The following CLTC variants were observed in gnomAD, a reference collection of about 807,000 sequenced individuals.
CLTC encodes clathrin heavy chain.
A neutral mutation model predicts 195.8 loss-of-function variants in CLTC; 16 were observed. The ratio of observed to expected loss-of-function variants is 0.08; its 90% CI spans 0.06 to 0.12. CLTC has a LOEUF of 0.12. CLTC is among the 10% of genes least tolerant of loss of function. The pLI is 1.00. For synonymous variants in CLTC, 667 were observed against 689.4 expected, an observed-to-expected ratio of 0.97 and a Z score of 0.51; for missense variants, 796 against 2,027.0, an observed-to-expected ratio of 0.39 and a Z score of 11.66.
intron 30 of CLTC, among the ~76,000 whole-genome samples, chr17:59,686,503 C>T (rs917553216): frequency 1.3e-5 from 2 of 152,140 alleles, no homozygotes; most frequent in South Asian, 2.1e-4. Flanking sequence ...CTGATTCCTT[C>T]AGCCTGCCTG....
In CLTC at chr17:59,695,331, T is replaced by G. The variant is rs759565694; in HGVS notation, c.*1479T>G. ...ACTCTCTTAGGCAAATTACCTAACA[T>G]AAGCTCCACAGAAGAGTTTTTTAAA... is the stretch of plus-strand genomic sequence containing the variant. On this transcript the variant is annotated 3_prime_UTR_variant, in exon 32 of 32. Transcript: ENST00000269122. 2 of 184,542 alleles carry G rather than the reference T, an allele frequency of 1.1e-5. No individual in the cohort carries two copies. The highest frequency in any genetic ancestry group is 2.3e-5 in the African/African-American group (1 of 42,578). 11.4% of individuals were successfully genotyped at this position (184,542 alleles called of 1,614,324 possible).
At position 59,648,384 on chromosome 17, in the gene CLTC, G is replaced by T. The variant is rs752425271; in HGVS notation, c.664G>T (p.Gly222Cys). ...ESTLFCFAVR[G>C]QAGGKLHIIE... ...AACGTTATTTTGTTTTGCAGTTCGG[G>T]GCCAAGCTGGAGGGAAGGTAAGTTT... The change falls in exon 4 of 32, where the codon GGC becomes TGC. Residue 222 changes from glycine (G) to cysteine (C), a missense_variant. Physicochemically the swap from Gly to Cys is radical, Grantham distance 159 (BLOSUM62 -3). Transcript: ENST00000269122. This position sits in a 1 kb window ranked among gnomAD's most constrained non-coding sequence, Gnocchi z 4.5. The T allele has an allele frequency of 6.2e-7, 1 of 1,613,338 alleles. No individual in the cohort carries two copies. Among genetic ancestry groups the T allele is most frequent in the Non-Finnish European group, 8.5e-7 (1 of 1,179,588 alleles).
intron 18 of CLTC, among the ~76,000 whole-genome samples, chr17:59,680,314 G>GTTTT (rs1206011218): frequency 6.6e-6 from 1 of 152,066 alleles, no homozygotes. Context: ...ATGAGATGGG[G>GTTTT]TTTTATACCT....
Position 59,674,846 on chromosome 17 carries a change from G to T in CLTC, c.2561+3G>T. On this transcript the variant is annotated splice_donor_region_variant and intron_variant, in intron 16 of 31. Transcript: ENST00000269122. ...GCTGAGGTTGAAAAAAGAAACAGGT[G>T]TAGTACCATTTTAACAGGGATAAGT... 1 of 1,611,462 alleles carries T rather than the reference G, an allele frequency of 6.2e-7. No homozygotes were observed. The highest frequency in any genetic ancestry group is 8.5e-7 in the Non-Finnish European group (1 of 1,178,978).
At position 59,681,744 on chromosome 17, in the gene CLTC, T is replaced by C; in HGVS notation, c.3347T>C (p.Leu1116Ser). The change falls in exon 21 of 32, where the codon TTG (leucine) becomes TCG (serine). Residue 1116 changes from leucine (L) to serine (S), a missense_variant. Around this residue, in one of 9 missense-constraint regions of CLTC, gnomAD observed 50 missense variants for 77.2 expected, o/e 0.65. Coordinates refer to ENST00000269122, the MANE Select transcript of CLTC (RefSeq NM_004859.4). This position sits in a 1 kb window ranked among gnomAD's most constrained non-coding sequence, Gnocchi z 5.0. Reference protein sequence around the residue: ...AVWSQLAKAQLQKGMVKEAID... With the variant: ...AVWSQLAKAQSQKGMVKEAID... ...TGGAGTCAACTTGCAAAAGCCCAGTTGCAGAAAGGAATGGTGAAAGAAGCC... is the reference window on the plus strand; with the variant it reads ...TGGAGTCAACTTGCAAAAGCCCAGTCGCAGAAAGGAATGGTGAAAGAAGCC... 1 of 1,614,058 alleles carries C rather than the reference T, an allele frequency of 6.2e-7. No individual in the cohort carries two copies. Among genetic ancestry groups the C allele is most frequent in the Non-Finnish European group, 8.5e-7 (1 of 1,179,948 alleles).
Position 59,682,710 on chromosome 17 carries a change from G to T in CLTC, c.3682G>T (p.Ala1228Ser), listed in dbSNP as rs1446312587. 1.2e-6 allele frequency: 2 copies of T among 1,614,002 alleles called. No homozygotes were observed. Among genetic ancestry groups the T allele is most frequent in the African/African-American group, 2.7e-5 (2 of 74,910 alleles). The change falls in exon 23 of 32, where the codon GCA becomes TCA. Residue 1228 changes from alanine to serine, a missense_variant. By Grantham distance (99) the Ala-to-Ser change is moderately conservative (BLOSUM62 1). Coordinates refer to ENST00000269122, the MANE Select transcript of CLTC (RefSeq NM_004859.4). This position sits in a 1 kb window ranked among gnomAD's most constrained non-coding sequence, Gnocchi z 6.8. ...TAATGTTTCCAATTTTGGACGTTTG[G>T]CATCTACCCTGGTTCACCTGGGTGA... ...YNNVSNFGRL[A>S]STLVHLGEYQ...
rs535502715 is a variant in CLTC, at chr17:59,673,930, G to C, written c.2418+158G>C. On this transcript the variant is annotated intron_variant, in intron 15 of 31. Coordinates refer to ENST00000269122, the MANE Select transcript of CLTC (RefSeq NM_004859.4). ...GTTTTTGTTTTGGAGACAGGGTCTT[G>C]CTCTGTCACCCATGCTGGAATACAG... Among the ~76,000 whole-genome samples, 26 of 152,064 alleles carry C rather than the reference G, an allele frequency of 1.7e-4. 1 individual carries two copies. In the South Asian group the frequency reaches 5.4e-3, roughly 32 times the overall value.
intron 1 of CLTC, among the ~76,000 whole-genome samples, chr17:59,632,164 C>A (rs1011493640): frequency 6.6e-6 from 1 of 151,578 alleles, no homozygotes; most frequent in Non-Finnish European, 1.5e-5. Flanking sequence ...GTCAGGAGAT[C>A]GAGACCATCC....
At position 59,680,941 on chromosome 17, in the gene CLTC, G is replaced by A; in HGVS notation, c.2949G>A (p.Gln983=). ...TACAAACAGCTTTGTCTGAGACTCA[G>A]GACCCTGAAGAAGTGTCAGTAACTG... ...QVVQTALSET[Q]DPEEVSVTVK... is the part of the protein sequence containing the mutation. The change falls in exon 19 of 32, where the codon CAG becomes CAA. Residue 983 remains glutamine, a synonymous_variant. Coordinates refer to ENST00000269122, the MANE Select transcript of CLTC (RefSeq NM_004859.4). 1 of 1,613,728 alleles carries A rather than the reference G, an allele frequency of 6.2e-7. No homozygotes were observed.
intron 4 of CLTC, among the ~76,000 whole-genome samples, chr17:59,650,207 T>A (rs1369829810): frequency 6.6e-6 from 1 of 152,264 alleles, no homozygotes; most frequent in Non-Finnish European, 1.5e-5. Flanking sequence ...GCCTGGCTTA[T>A]GTGCAGCATT....
chr17:59,671,544 CAGG>C (rs1178790433), intron 14 of CLTC, among the ~76,000 whole-genome samples: 2 of 152,116 alleles, frequency 1.3e-5, no homozygotes, highest in African/African-American at 4.8e-5. Flanking sequence ...ACCCTGTGAG[CAGG>C]ATAAAATTGT....
chr17:59,628,214 C>T (rs563842799), intron 1 of CLTC, among the ~76,000 whole-genome samples: 1 of 152,314 alleles, frequency 6.6e-6, no homozygotes, highest in Admixed American at 6.5e-5. Flanking sequence ...CATTAAAAAA[C>T]TCTGCAGTGT....
intron 6 of CLTC, among the ~76,000 whole-genome samples, chr17:59,658,249 G>C (rs2032523416): frequency 6.6e-6 from 1 of 152,148 alleles, no homozygotes; most frequent in Non-Finnish European, 1.5e-5. Context: ...TGTTGCCTAG[G>C]CTGGTCTTGA....
intron 28 of CLTC, among the ~76,000 whole-genome samples, chr17:59,684,695 A>G (rs981050311): frequency 4.6e-5 from 7 of 151,578 alleles, no homozygotes; most frequent in South Asian, 4.2e-4. Flanking sequence ...AGTAGCAGCT[A>G]CTCGGGAGGC....
chr17:59,691,709 CTT>C (rs947410007), intron 31 of CLTC, among the ~76,000 whole-genome samples: 29 of 149,542 alleles, frequency 1.9e-4, no homozygotes, highest in African/African-American at 6.4e-4. Context: ...AATATATACA[CTT>C]ATTATGGTTT....
At chr17:59,631,124 T>A (rs1206867627) in intron 1 of CLTC, among the ~76,000 whole-genome samples, 1 of 152,218 alleles carries the variant, frequency 6.6e-6, no homozygotes, top group African/African-American at 2.4e-5. Context: ...TGGGCCTATA[T>A]GGTATTTTTA....
At chr17:59,637,491 G>A (rs868182900) in intron 1 of CLTC, among the ~76,000 whole-genome samples, 2 of 148,324 alleles carry the variant, frequency 1.3e-5, no homozygotes, top group African/African-American at 2.5e-5. Context: ...TGATCCGCCC[G>A]CCTCGGCCTC....
intron 1 of CLTC, among the ~76,000 whole-genome samples, chr17:59,622,688 T>G (rs1325149033): frequency 2.0e-5 from 3 of 152,216 alleles, no homozygotes; most frequent in Non-Finnish European, 4.4e-5. Context: ...AGGATTATTT[T>G]AATTGGCATC....
At position 59,619,910 on chromosome 17, in the gene CLTC, C is replaced by T. The variant is rs1160656529; in HGVS notation, c.-222C>T. The T allele has an allele frequency of 5.3e-5, 28 of 526,584 alleles. No individual in the cohort carries two copies. Among genetic ancestry groups the T allele is most frequent in the African/African-American group, 3.8e-4 (20 of 52,116 alleles). The allele number at this position is 526,584 out of a possible 1,614,324, so 32.6% of individuals were successfully genotyped here. A position where few individuals can be genotyped will look rare whatever the true frequency, so the allele number is the denominator to read the frequency against. On this transcript the variant is annotated 5_prime_UTR_variant, in exon 1 of 32. Coordinates refer to ENST00000269122, the MANE Select transcript of CLTC (RefSeq NM_004859.4). Reference sequence around the variant, plus strand: ...CGCTGGGCTCAGCCGTTTCCGGAGTCTGCGCTGCGCCCGGTTCCGCCATTG... The same window carrying T: ...CGCTGGGCTCAGCCGTTTCCGGAGTTTGCGCTGCGCCCGGTTCCGCCATTG...
Sources: allele counts gnomAD v4.1 joint callset (sites outside exome capture counted in the v4.1 genomes callset), GRCh38; gene constraint gnomAD v4.1.1; regional missense constraint gnomAD v4.1.1; non-coding constraint Gnocchi (gnomAD v3.1); transcripts MANE v1.5; gene names NCBI Gene and HGNC (gene_info 2026-07-23, HGNC 2026-07-21).